CDS2: variants seen among roughly 807,000 people sequenced by gnomAD.
CDS2 encodes CDP-diacylglycerol synthase 2.
In CDS2, 47 loss-of-function variants were observed where a neutral mutation model predicts 59.0. The observed-to-expected ratio is 0.80, with a 90% CI of 0.63 to 1.02. The LOEUF (loss-of-function observed/expected upper bound fraction) is 1.02. Among genes scored for constraint, CDS2 ranks in the 50% least tolerant of loss-of-function variants. The probability of loss-of-function intolerance (pLI) is 0.00; values close to 1 mark genes in which losing one functional copy is unlikely to be tolerated. For missense variants in CDS2, 356 were observed against 558.9 expected (o/e 0.64, Z 3.66); for synonymous variants, 207 against 206.4 (o/e 1.00, Z -0.02).
intron 1 of CDS2, among the ~76,000 whole-genome samples, chr20:5,133,597 A>G (rs1338495123): frequency 1.3e-5 from 2 of 152,172 alleles, no homozygotes; most frequent in Admixed American, 6.5e-5. Flanking sequence ...GTATAATCTC[A>G]GCTGACCGCA....
intron 1 of CDS2, among the ~76,000 whole-genome samples, chr20:5,137,102 A>G (rs2090655217): frequency 6.6e-6 from 1 of 151,938 alleles, no homozygotes; most frequent in African/African-American, 2.4e-5. Context: ...TGTTGCCACA[A>G]AGGATATGAT....
chr20:5,185,003 G>C, intron 8 of CDS2, 58 bp downstream of exon 8: 7 of 1,224,654 alleles, frequency 5.7e-6, no homozygotes, highest in South Asian at 1.2e-5. Flanking sequence ...TGCTCTCAAT[G>C]TGAGTAGATC....
At chr20:5,127,816 G>T (rs2090568233) in intron 1 of CDS2, among the ~76,000 whole-genome samples, 1 of 152,092 alleles carries the variant, frequency 6.6e-6, no homozygotes, top group Admixed American at 6.5e-5. Flanking sequence ...GGTGACGGGT[G>T]GGGGAGTGGA....
intron 1 of CDS2, among the ~76,000 whole-genome samples, chr20:5,137,655 T>G (rs555886129): frequency 1.3e-4 from 20 of 151,854 alleles, no homozygotes; most frequent in African/African-American, 4.6e-4. Context: ...TACAAAAATA[T>G]TTTTTAAAAT....
intron 1 of CDS2, among the ~76,000 whole-genome samples, chr20:5,147,182 G>A (rs1337498685): frequency 6.6e-6 from 1 of 152,210 alleles, no homozygotes; most frequent in Admixed American, 6.5e-5. Context: ...GAGACAACTA[G>A]CAGTCTCTGA....
At chr20:5,160,636 A>G (rs992143412) in intron 1 of CDS2, among the ~76,000 whole-genome samples, 3 of 152,188 alleles carry the variant, frequency 2.0e-5, no homozygotes, top group Non-Finnish European at 4.4e-5. Context: ...TTGTTTTGCA[A>G]CTGTCACCAG....
At chr20:5,165,462 G>C (rs140481954) in intron 1 of CDS2, among the ~76,000 whole-genome samples, 98 of 152,340 alleles carry the variant, frequency 6.4e-4, no homozygotes, top group African/African-American at 2.3e-3. Context: ...GGTGCTGGGG[G>C]TACAGTGGTG....
intron 1 of CDS2, among the ~76,000 whole-genome samples, chr20:5,135,536 C>T (rs1009003713): frequency 2.0e-5 from 3 of 152,194 alleles, no homozygotes; most frequent in African/African-American, 4.8e-5. Flanking sequence ...TGAAAGAATG[C>T]TAATTTGTTC....
intron 1 of CDS2, among the ~76,000 whole-genome samples, chr20:5,131,872 G>A (rs991938405): frequency 5.3e-5 from 8 of 152,220 alleles, no homozygotes; most frequent in African/African-American, 9.6e-5. Flanking sequence ...TTAAACGTAT[G>A]TATGGGCTGA....
At chr20:5,169,432 C>G (rs1470845480) in intron 1 of CDS2, among the ~76,000 whole-genome samples, 1 of 152,218 alleles carries the variant, frequency 6.6e-6, no homozygotes. Flanking sequence ...ACTATCATAT[C>G]TCAGTGTAGT....
chr20:5,194,761 C>A lies in CDS2; in HGVS notation c.*4527C>A, dbSNP rs2091144317. 6.6e-6 allele frequency: 1 copy of A among 151,870 alleles called. No individual in the cohort carries two copies. Among genetic ancestry groups the A allele is most frequent in the Non-Finnish European group, 1.5e-5 (1 of 67,980 alleles). 9.4% of individuals were successfully genotyped at this position (151,870 alleles called of 1,614,324 possible). ...TTTAAAGACCCTGTCTCCTCCCCCA[C>A]CCTCCCCTTCCTTTTCCCATCAAAT... On this transcript the variant is annotated 3_prime_UTR_variant, in exon 13 of 13. Coordinates refer to ENST00000460006, the MANE Select transcript of CDS2 (RefSeq NM_003818.4).
At position 5,178,729 on chromosome 20, in the gene CDS2, G is replaced by T. The variant is rs750497886; in HGVS notation, c.390-88G>T. On this transcript the variant is annotated intron_variant, in intron 4 of 12. Transcript: ENST00000460006. The stretch of plus-strand genomic sequence containing the variant: ...ACTCAAGGGTGGGGGGTATTCTGCT[G>T]CCCTCTGTCCCTTCCTCTGGGATGT... The T allele has an allele frequency of 2.4e-4, 337 of 1,401,428 alleles. 1 individual carries two copies. The highest frequency in any genetic ancestry group is 3.8e-4 in the Middle Eastern group (2 of 5,266). The allele number at this position is 1,401,428 out of a possible 1,614,324, so 86.8% of individuals were successfully genotyped here.
At chr20:5,136,041 A>G (rs1262367113) in intron 1 of CDS2, among the ~76,000 whole-genome samples, 1 of 152,102 alleles carries the variant, frequency 6.6e-6, no homozygotes, top group East Asian at 1.9e-4. Context: ...TGAGGTTTTG[A>G]GAGTTCCTGG....
intron 2 of CDS2, among the ~76,000 whole-genome samples, chr20:5,174,714 C>G (rs1219631648): frequency 6.8e-6 from 1 of 146,602 alleles, no homozygotes; most frequent in Non-Finnish European, 1.5e-5. Context: ...AGAGGAAACT[C>G]TGTCTCAAAA....
chr20:5,151,991 C>T (rs756917964), intron 1 of CDS2, among the ~76,000 whole-genome samples: 155 of 150,606 alleles, frequency 1.0e-3, no homozygotes, highest in Non-Finnish European at 1.9e-3. Flanking sequence ...CTTGAACTCC[C>T]GACCTCAGAA....
chr20:5,137,370 A>G (rs2122960398), intron 1 of CDS2, among the ~76,000 whole-genome samples: 1 of 150,730 alleles, frequency 6.6e-6, no homozygotes, highest in Non-Finnish European at 1.5e-5. Flanking sequence ...CAGCCTCCCT[A>G]GTAGCTGGGA....
intron 1 of CDS2, among the ~76,000 whole-genome samples, chr20:5,140,214 G>A (rs1358447951): frequency 6.6e-6 from 1 of 152,314 alleles, no homozygotes; most frequent in East Asian, 1.9e-4. Flanking sequence ...ATTGAACCAA[G>A]CAGGCATTTA....
intron 3 of CDS2, 31 bp from the exon 4 acceptor site, chr20:5,176,617 G>A: frequency 6.6e-7 from 1 of 1,524,946 alleles, no homozygotes; most frequent in South Asian, 1.1e-5. Flanking sequence ...CATAAGAATT[G>A]GGGTGTCAGT....
intron 4 of CDS2, among the ~76,000 whole-genome samples, chr20:5,177,263 G>A (rs1187833620): frequency 6.6e-6 from 1 of 151,966 alleles, no homozygotes; most frequent in East Asian, 1.9e-4. Context: ...AGGTTCTGCT[G>A]CCGGCTTTGC....
Sources: allele counts gnomAD v4.1 joint callset (sites outside exome capture counted in the v4.1 genomes callset), GRCh38; gene constraint gnomAD v4.1.1; transcripts MANE v1.5; gene names NCBI Gene and HGNC (gene_info 2026-07-23, HGNC 2026-07-21).